The following SAMD8 variants were observed in gnomAD, a reference collection of about 807,000 sequenced individuals.
SAMD8 encodes the protein sphingomyelin synthase-related protein 1.
Under a neutral mutation model 42.0 loss-of-function variants are expected in SAMD8, and 20 were observed. That is an observed-to-expected ratio of 0.48 (90% CI 0.34 to 0.69). The LOEUF (loss-of-function observed/expected upper bound fraction) is 0.69. Ranked by LOEUF, SAMD8 falls within the 30% of genes least tolerant of loss-of-function variation. SAMD8 has a pLI of 0.01. For missense variants in SAMD8, 328 were observed against 511.6 expected (o/e 0.64, Z 3.46); for synonymous variants, 162 against 173.0 (o/e 0.94, Z 0.50).
At chr10:75,149,050 T>G (rs1467550873) in intron 1 of SAMD8, among the ~76,000 whole-genome samples, 1 of 152,162 alleles carries the variant, frequency 6.6e-6, no homozygotes, top group Non-Finnish European at 1.5e-5. Context: ...TTGTATCATT[T>G]TATTCTTTTA....
At chr10:75,148,379 A>G (rs1324975594) in intron 1 of SAMD8, among the ~76,000 whole-genome samples, 1 of 87,716 alleles carries the variant, frequency 1.1e-5, no homozygotes, top group Non-Finnish European at 1.9e-5. Context: ...TTTGAGACAG[A>G]GTCTTGCTCT....
At chr10:75,162,238 A>G (rs1840573745) in intron 2 of SAMD8, among the ~76,000 whole-genome samples, 1 of 152,222 alleles carries the variant, frequency 6.6e-6, no homozygotes, top group South Asian at 2.1e-4. Context: ...GGGCACCTGT[A>G]ATCCCAGCAA....
intron 1 of SAMD8, among the ~76,000 whole-genome samples, chr10:75,142,716 T>C (rs1030208740): frequency 5.9e-5 from 9 of 151,462 alleles, no homozygotes; most frequent in Non-Finnish European, 1.3e-4. Context: ...ATTACAGGCA[T>C]GAGCCACCAC....
At chr10:75,154,163 G>T (rs1207158925) in intron 2 of SAMD8, among the ~76,000 whole-genome samples, 1 of 152,198 alleles carries the variant, frequency 6.6e-6, no homozygotes, top group Non-Finnish European at 1.5e-5. Context: ...TTGGAAGTTG[G>T]AAGATGGATG....
At position 75,176,327 on chromosome 10, in the gene SAMD8, C is replaced by T. The variant is rs995380712; in HGVS notation, c.944-61C>T. 51 of 1,595,658 alleles carry T rather than the reference C, an allele frequency of 3.2e-5. No individual in the cohort carries two copies. In the Middle Eastern group the frequency reaches 5.0e-4, roughly 16 times the overall value. On this transcript the variant is annotated intron_variant, in intron 5 of 5. Coordinates refer to ENST00000542569, the MANE Select transcript of SAMD8 (RefSeq NM_001174156.2). This position sits in a 1 kb window ranked among gnomAD's most constrained non-coding sequence, Gnocchi z 4.3. ...TGGCAAAACAGCCTGACCTGAGAAA[C>T]GTGACTGAGAAGCATTGGAAGGAAT...
chr10:75,170,777 T>G (rs1159810521), intron 4 of SAMD8, among the ~76,000 whole-genome samples: 6 of 146,512 alleles, frequency 4.1e-5, no homozygotes, highest in Non-Finnish European at 9.0e-5. Flanking sequence ...TGGGTTTTTT[T>G]TTTTTTTTTT....
Position 75,174,821 on chromosome 10 carries a change from G to A in SAMD8, c.793-1245G>A, listed in dbSNP as rs574457706. Among the ~76,000 whole-genome samples, 36 of 100,448 alleles carry A rather than the reference G, an allele frequency of 3.6e-4. No individual in the cohort carries two copies. In the South Asian group the frequency reaches 8.2e-3, roughly 23 times the overall value. The allele number at this position is 100,448 out of a possible 152,430, so 65.9% of individuals were successfully genotyped here. ...CTCAAAATGGACTGCTTTTTTAGGC[G>A]TATGTGTGGGAGTTGGGATTAGGTT... On this transcript the variant is annotated intron_variant, in intron 4 of 5. Coordinates refer to ENST00000542569, the MANE Select transcript of SAMD8 (RefSeq NM_001174156.2).
upstream of SAMD8, chr10:75,108,394 G>A (rs1848649181): frequency 2.7e-6 from 3 of 1,128,178 alleles, no homozygotes; most frequent in Non-Finnish European, 3.6e-6. Context: ...TCTGGTGGCT[G>A]AGCCGGCGGT....
At chr10:75,128,106 G>T (rs1176746593) in intron 1 of SAMD8, among the ~76,000 whole-genome samples, 2 of 130,396 alleles carry the variant, frequency 1.5e-5, no homozygotes, top group African/African-American at 5.9e-5. Context: ...AGACAGAGTC[G>T]CTGTCACCTA....
At chr10:75,150,106 A>G (rs1224164874) in intron 1 of SAMD8, among the ~76,000 whole-genome samples, 2 of 145,544 alleles carry the variant, frequency 1.4e-5, no homozygotes, top group South Asian at 2.2e-4. Context: ...ATATATATAT[A>G]TATAGTTTTT....
At chr10:75,111,619 T>A, upstream of SAMD8, 2 of 1,247,744 alleles carry the variant, frequency 1.6e-6, no homozygotes, top group Non-Finnish European at 2.0e-6. Context: ...CCCCCGCCGC[T>A]TGAGGCGCTT....
intron 1 of SAMD8, chr10:75,105,725 A>C (rs1388954102): frequency 6.4e-7 from 1 of 1,554,388 alleles, no homozygotes; most frequent in South Asian, 1.2e-5. Context: ...TGGTGCAGGA[A>C]GCCTCGGTTG....
intron 1 of SAMD8, among the ~76,000 whole-genome samples, chr10:75,142,793 C>T (rs1255301475): frequency 2.0e-5 from 3 of 152,024 alleles, no homozygotes; most frequent in South Asian, 2.1e-4. Context: ...TTTGGGAGGC[C>T]GAGGCAGGCA....
At chr10:75,119,638 A>C (rs1003698623) in intron 1 of SAMD8, among the ~76,000 whole-genome samples, 1 of 152,234 alleles carries the variant, frequency 6.6e-6, no homozygotes, top group Non-Finnish European at 1.5e-5. Context: ...ACACGTGCGC[A>C]CACGTGAGAA....
chr10:75,140,144 T>G (rs1174946868), intron 1 of SAMD8, among the ~76,000 whole-genome samples: 5 of 152,236 alleles, frequency 3.3e-5, no homozygotes, highest in African/African-American at 1.2e-4. Flanking sequence ...TTTCCTTGAT[T>G]TATGTTAACA....
At chr10:75,108,952 C>G, upstream of SAMD8, 1 of 1,543,690 alleles carries the variant, frequency 6.5e-7, no homozygotes, top group South Asian at 1.2e-5. Context: ...GGTAAAGCGA[C>G]CAAGAACTGC....
intron 1 of SAMD8, among the ~76,000 whole-genome samples, chr10:75,141,020 A>G (rs138122786): frequency 6.6e-6 from 1 of 152,102 alleles, no homozygotes; most frequent in Admixed American, 6.6e-5. Flanking sequence ...ATACATTTTA[A>G]TTTTTGATTG....
At chr10:75,105,743 C>A in intron 1 of SAMD8, 1 of 1,554,342 alleles carries the variant, frequency 6.4e-7, no homozygotes, top group Admixed American at 1.9e-5. Flanking sequence ...TTGGGGAAGA[C>A]CCATCGGTGC....
chr10:75,150,431 G>T (rs2134481265), intron 1 of SAMD8, 83 bp from the exon 2 acceptor site: 11 of 1,492,066 alleles, frequency 7.4e-6, no homozygotes, highest in Middle Eastern at 1.8e-4. Flanking sequence ...CCTGTTTCTG[G>T]TGTATTTATG....
Sources: allele counts gnomAD v4.1 joint callset (sites outside exome capture counted in the v4.1 genomes callset), GRCh38; gene constraint gnomAD v4.1.1; non-coding constraint Gnocchi (gnomAD v3.1); transcripts MANE v1.5; gene names NCBI Gene and HGNC (gene_info 2026-07-23, HGNC 2026-07-21).